The following ZBP1 variants were observed in gnomAD, a reference collection of about 807,000 sequenced individuals.
ZBP1 encodes the protein Z-DNA binding protein 1, also known as Z-DNA-binding protein 1.
Under a neutral mutation model 41.1 loss-of-function variants are expected in ZBP1, and 42 were observed. The observed-to-expected ratio is 1.02, with a 90% CI of 0.80 to 1.32. The LOEUF (loss-of-function observed/expected upper bound fraction) is 1.32. Ranked by LOEUF, ZBP1 falls within the 40% of genes most tolerant of loss-of-function variation. The pLI is 0.00. For synonymous variants in ZBP1, 214 were observed against 205.2 expected (o/e 1.04, Z -0.37); for missense variants, 562 against 549.7 (o/e 1.02, Z -0.22).
chr20:57,619,749 G>A (rs758980605), intron 1 of ZBP1, among the ~76,000 whole-genome samples: 2 of 152,120 alleles, frequency 1.3e-5, no homozygotes, highest in African/African-American at 2.4e-5. Flanking sequence ...GTCCCTGCAG[G>A]CCATCAGGAA....
chr20:57,605,788 G>T (rs1312021732), intron 7 of ZBP1, among the ~76,000 whole-genome samples: 1 of 152,146 alleles, frequency 6.6e-6, no homozygotes, highest in Non-Finnish European at 1.5e-5. Flanking sequence ...TACAAAGTTA[G>T]CCAGGCGTGG....
At chr20:57,607,028 A>C in intron 7 of ZBP1, 1 of 1,283,098 alleles carries the variant, frequency 7.8e-7, no homozygotes, top group Non-Finnish European at 1.0e-6. Context: ...TCTGCAGCCC[A>C]TGGATTAAGG....
chr20:57,614,771 C>T, intron 4 of ZBP1, 116 bp downstream of exon 4: 1 of 1,366,556 alleles, frequency 7.3e-7, no homozygotes, highest in Non-Finnish European at 1.0e-6. Context: ...GTCGGTAGGA[C>T]CTCCAGAAGC....
Position 57,610,602 on chromosome 20 carries a change from C to A in ZBP1, c.875-235G>T. ...CACTGATCCCGCAGTGGGTCTGCCC[C>A]ACTGATCCCGCCCGGCTGATCTGGA... On this transcript the variant is annotated intron_variant, in intron 6 of 7. Coordinates refer to ENST00000371173, the MANE Select transcript of ZBP1 (RefSeq NM_030776.3). This position sits in a 1 kb window ranked among gnomAD's most constrained non-coding sequence, Gnocchi z 5.5. 1 of 584,348 alleles carries A rather than the reference C, an allele frequency of 1.7e-6. No individual in the cohort carries two copies. Among genetic ancestry groups the A allele is most frequent in the Non-Finnish European group, 3.1e-6 (1 of 327,202 alleles). 36.2% of individuals were successfully genotyped at this position (584,348 alleles called of 1,614,324 possible).
intron 2 of ZBP1, chr20:57,616,041 C>A: frequency 1.6e-6 from 1 of 609,774 alleles, no homozygotes; most frequent in South Asian, 2.0e-5. Context: ...GAGCCTGACG[C>A]AGGGCCTCCT....
At chr20:57,611,375 G>C (rs936629963) in intron 6 of ZBP1, among the ~76,000 whole-genome samples, 4 of 148,614 alleles carry the variant, frequency 2.7e-5, no homozygotes, top group African/African-American at 1.0e-4. Flanking sequence ...CTTCCGAGTG[G>C]CTAGGACTAC....
intron 1 of ZBP1, 106 bp from the exon 2 acceptor site, chr20:57,616,574 G>T (rs1430352554): frequency 8.3e-7 from 1 of 1,206,404 alleles, no homozygotes; most frequent in African/African-American, 1.5e-5. Flanking sequence ...TTTTTGAGAG[G>T]GGTCCAGGGC....
Position 57,604,359 on chromosome 20 carries a change from A to G in ZBP1, c.*214T>C. 1 of 693,816 alleles carries G rather than the reference A, an allele frequency of 1.4e-6. No individual in the cohort carries two copies. The highest frequency in any genetic ancestry group is 2.6e-6 in the Non-Finnish European group (1 of 384,908). The allele number at this position is 693,816 out of a possible 1,614,324, so 43.0% of individuals were successfully genotyped here. ...CCTCTTGGCACACCAAAGGTTCCCC[A>G]AGGCAACTCCCTGTCATCTACTCCT... On this transcript the variant is annotated 3_prime_UTR_variant, in exon 8 of 8. Transcript: ENST00000371173.
In ZBP1 at chr20:57,616,269, A is replaced by T. The variant is rs768703205; in HGVS notation, c.234T>A (p.Pro78=). ...LGGTDPEGEG[P]AELALSSPAE... ...CAGGGCTGGACAAGGCCAGCTCTGC[A>T]GGACCCTCGCCTTCAGGATCAGTCC... Residue 78 remains proline (P), a synonymous_variant, in exon 2 of 8, where the codon CCT becomes CCA. Transcript: ENST00000371173. 1 of 1,614,064 alleles carries T rather than the reference A, an allele frequency of 6.2e-7. No individual in the cohort carries two copies. Among genetic ancestry groups the T allele is most frequent in the Non-Finnish European group, 8.5e-7 (1 of 1,179,990 alleles).
rs191760253 is a variant in ZBP1, at chr20:57,610,448, C to A, written c.875-81G>T. 423 of 1,488,486 alleles carry A rather than the reference C, an allele frequency of 2.8e-4. 1 individual carries two copies. The African/African-American group carries it at 5.0e-3, about 18-fold the overall frequency. The allele number at this position is 1,488,486 out of a possible 1,614,324, so 92.2% of individuals were successfully genotyped here. On this transcript the variant is annotated intron_variant, in intron 6 of 7. Coordinates refer to ENST00000371173, the MANE Select transcript of ZBP1 (RefSeq NM_030776.3). The surrounding 1 kb of genome is among the most constrained non-coding windows in gnomAD (Gnocchi z 5.5). ...AACCCTGACCCCCAGCCTGGTTCAC[C>A]CTCCTCCCCAGATCTCCCACCAGTG...
Position 57,604,375 on chromosome 20 carries a change from A to G in ZBP1, c.*198T>C, listed in dbSNP as rs776169972. 1.4e-6 allele frequency: 1 copy of G among 721,352 alleles called. No homozygotes were observed. Among genetic ancestry groups the G allele is most frequent in the South Asian group, 1.5e-5 (1 of 67,584 alleles). The allele number at this position is 721,352 out of a possible 1,614,324, so 44.7% of individuals were successfully genotyped here. On this transcript the variant is annotated 3_prime_UTR_variant, in exon 8 of 8. Transcript: ENST00000371173. ...AGGTTCCCCAAGGCAACTCCCTGTC[A>G]TCTACTCCTGGCCATCAAAAGACCT...
At chr20:57,614,110 G>A (rs2070751676) in intron 4 of ZBP1, among the ~76,000 whole-genome samples, 1 of 152,136 alleles carries the variant, frequency 6.6e-6, no homozygotes, top group African/African-American at 2.4e-5. Context: ...TCTCAGCTCA[G>A]TGCAACCTCT....
chr20:57,610,001 G>T lies in ZBP1; in HGVS notation c.1093+148C>A. 1.1e-6 allele frequency: 1 copy of T among 880,192 alleles called. No individual in the cohort carries two copies. Among genetic ancestry groups the T allele is most frequent in the Non-Finnish European group, 1.8e-6 (1 of 569,020 alleles). 54.5% of individuals were successfully genotyped at this position (880,192 alleles called of 1,614,324 possible). On this transcript the variant is annotated intron_variant, in intron 7 of 7. Coordinates refer to ENST00000371173, the MANE Select transcript of ZBP1 (RefSeq NM_030776.3). The surrounding 1 kb of genome is among the most constrained non-coding windows in gnomAD (Gnocchi z 5.5). ...ACGGAGCCTCCACGCTGACTCTAGAGCTGCTGCTCCTCGCTGTGGGTGGGC... is the reference window on the plus strand; with the variant it reads ...ACGGAGCCTCCACGCTGACTCTAGATCTGCTGCTCCTCGCTGTGGGTGGGC...
At position 57,613,829 on chromosome 20, in the gene ZBP1, G is replaced by A. The variant is rs756439580; in HGVS notation, c.503-499C>T. ...TATTCCTTCCTCACAGCAGCCCTAG[G>A]ATGCTGAGACCCCCTCGGGCACCCG... On this transcript the variant is annotated intron_variant, in intron 4 of 7. Transcript: ENST00000371173. The surrounding 1 kb of genome is among the most constrained non-coding windows in gnomAD (Gnocchi z 4.5). Among the ~76,000 whole-genome samples, 2 of 152,170 alleles carry A rather than the reference G, an allele frequency of 1.3e-5. No homozygotes were observed. Among genetic ancestry groups the A allele is most frequent in the Non-Finnish European group, 2.9e-5 (2 of 68,026 alleles).
intron 1 of ZBP1, among the ~76,000 whole-genome samples, chr20:57,619,922 C>T (rs1004606835): frequency 2.6e-5 from 4 of 151,936 alleles, no homozygotes; most frequent in Non-Finnish European, 5.9e-5. Flanking sequence ...CTACAACTTC[C>T]ACCTCCCGGG....
Position 57,620,074 on chromosome 20 carries a change from C to T in ZBP1, c.34+188G>A, listed in dbSNP as rs114764481. On this transcript the variant is annotated intron_variant, in intron 1 of 7. Coordinates refer to ENST00000371173, the MANE Select transcript of ZBP1 (RefSeq NM_030776.3). ...CTAGTGTCAAACTCCTGAGCTTAAA[C>T]AGTCCACCTACCTCGCCTCCCAAAG... is the stretch of plus-strand genomic sequence containing the variant. 66 of 643,308 alleles carry T rather than the reference C, an allele frequency of 1.0e-4. No individual in the cohort carries two copies. The African/African-American group carries it at 1.2e-3, about 11-fold the overall frequency. The allele number at this position is 643,308 out of a possible 1,614,324, so 39.8% of individuals were successfully genotyped here.
At position 57,611,926 on chromosome 20, in the gene ZBP1, G is replaced by A. The variant is rs368870917; in HGVS notation, c.675C>T (p.Ser225=). The change falls in exon 6 of 8, where the codon TCC becomes TCT. Residue 225 remains serine, a synonymous_variant. Coordinates refer to ENST00000371173, the MANE Select transcript of ZBP1 (RefSeq NM_030776.3). Reference sequence around the variant, plus strand: ...TTGAAGGGAGGTGGCGTGGACCGGCGGAACCTGGCAGGGGACAGTGGCACA... The same window carrying A: ...TTGAAGGGAGGTGGCGTGGACCGGCAGAACCTGGCAGGGGACAGTGGCACA... ...TRQTVSREDG[S]AGPRHLPSMA... The A allele has an allele frequency of 1.5e-5, 23 of 1,555,490 alleles. No individual in the cohort carries two copies. The highest frequency in any genetic ancestry group is 1.2e-4 in the East Asian group (5 of 41,338).
chr20:57,617,895 C>T (rs1447985950), intron 1 of ZBP1: 1 of 151,800 alleles, frequency 6.6e-6, no homozygotes, highest in East Asian at 1.9e-4. Flanking sequence ...GTGTCTGTCT[C>T]TAGGGACAGA....
intron 7 of ZBP1, among the ~76,000 whole-genome samples, chr20:57,605,774 A>C (rs1210892294): frequency 2.0e-5 from 3 of 152,110 alleles, no homozygotes; most frequent in African/African-American, 7.2e-5. Context: ...ATCTCTACTA[A>C]AAATACAAAG....
Sources: gnomAD v4.1 joint callset for allele counts (sites outside exome capture counted in the v4.1 genomes callset) on GRCh38, gnomAD v4.1.1 for gene constraint, Gnocchi (gnomAD v3.1) non-coding constraint, MANE v1.5 for transcripts, NCBI Gene and HGNC (gene_info 2026-07-23, HGNC 2026-07-21) for gene names.